The following DISC1 variants were observed in gnomAD, a reference collection of about 807,000 sequenced individuals.
DISC1 encodes the protein DISC1 scaffold protein.
In DISC1, 57 loss-of-function variants were observed where a neutral mutation model predicts 84.5. That is an observed-to-expected ratio of 0.67 (90% CI 0.55 to 0.84). DISC1 has a LOEUF of 0.84. Ranked by LOEUF, DISC1 falls within the 40% of genes least tolerant of loss-of-function variation. The pLI is 0.00. For synonymous variants in DISC1, 411 were observed against 415.2 expected (o/e 0.99, Z 0.12); for missense variants, 1,000 against 1,057.8 (o/e 0.95, Z 0.76).
intron 9 of DISC1, among the ~76,000 whole-genome samples, chr1:231,949,372 G>T (rs2126154022): frequency 6.6e-6 from 1 of 152,312 alleles, no homozygotes; most frequent in African/African-American, 2.4e-5. Context: ...CCGGTGCCTG[G>T]ATGTGGACAG....
chr1:232,025,671 A>C (rs1043770572), intron 11 of DISC1, among the ~76,000 whole-genome samples: 1 of 146,518 alleles, frequency 6.8e-6, no homozygotes. Flanking sequence ...ATCTCGGCTC[A>C]CTGCAAGCTC....
At chr1:231,756,416 T>C (rs2075119729) in intron 4 of DISC1, among the ~76,000 whole-genome samples, 1 of 152,166 alleles carries the variant, frequency 6.6e-6, no homozygotes. Context: ...ACTAGAATAG[T>C]GTCTGGCCCA....
At chr1:231,781,236 A>G (rs990895607) in intron 6 of DISC1, among the ~76,000 whole-genome samples, 3 of 150,710 alleles carry the variant, frequency 2.0e-5, no homozygotes, top group Admixed American at 6.6e-5. Context: ...AACATTTACG[A>G]TGATTTTTGA....
chr1:231,636,786 A>T (rs766447427), intron 1 of DISC1, among the ~76,000 whole-genome samples: 2 of 152,124 alleles, frequency 1.3e-5, no homozygotes, highest in Non-Finnish European at 2.9e-5. Context: ...TTAAAATTTT[A>T]TTCTGCTTTT....
intron 3 of DISC1, among the ~76,000 whole-genome samples, chr1:231,716,184 G>T (rs1170388970): frequency 2.0e-5 from 3 of 152,038 alleles, no homozygotes; most frequent in Non-Finnish European, 4.4e-5. Context: ...GTAAAGTGTG[G>T]ATGCTTCTGA....
intron 11 of DISC1, among the ~76,000 whole-genome samples, chr1:232,011,218 AT>A (rs1181455893): frequency 1.3e-5 from 2 of 152,168 alleles, no homozygotes; most frequent in African/African-American, 4.8e-5. Flanking sequence ...ACAGAGCTAT[AT>A]TTGTTGAAAA....
At chr1:231,884,303 T>C (rs916359349) in intron 9 of DISC1, among the ~76,000 whole-genome samples, 2 of 152,218 alleles carry the variant, frequency 1.3e-5, no homozygotes, top group African/African-American at 4.8e-5. Flanking sequence ...AAAATCCATG[T>C]GTACTCAATG....
chr1:231,916,977 T>G (rs2089681884), intron 9 of DISC1, among the ~76,000 whole-genome samples: 1 of 152,226 alleles, frequency 6.6e-6, no homozygotes. Context: ...TTACTTTTTA[T>G]GTGGATTCCA....
chr1:231,845,627 T>C (rs551201410), intron 9 of DISC1, among the ~76,000 whole-genome samples: 1 of 150,766 alleles, frequency 6.6e-6, no homozygotes, highest in South Asian at 2.1e-4. Flanking sequence ...AGGCTGGGGG[T>C]TTCCAGGCAG....
chr1:231,807,544 G>A (rs1248265544), intron 8 of DISC1, among the ~76,000 whole-genome samples: 6 of 152,176 alleles, frequency 3.9e-5, no homozygotes, highest in Non-Finnish European at 1.5e-5. Flanking sequence ...CCTAGAATCT[G>A]TTGTTTTCAT....
intron 8 of DISC1, among the ~76,000 whole-genome samples, chr1:231,815,417 C>A (rs1455358747): frequency 6.6e-6 from 1 of 152,112 alleles, no homozygotes; most frequent in African/African-American, 2.4e-5. Context: ...AATCATGTGG[C>A]ACTACTCTTT....
chr1:231,776,245 A>G (rs2076956594), intron 6 of DISC1, among the ~76,000 whole-genome samples: 1 of 152,176 alleles, frequency 6.6e-6, no homozygotes, highest in South Asian at 2.1e-4. Flanking sequence ...AGGGCTGCCT[A>G]GGATGCTTTC....
At chr1:231,803,392 G>A (rs981585765) in intron 8 of DISC1, among the ~76,000 whole-genome samples, 13 of 152,144 alleles carry the variant, frequency 8.5e-5, no homozygotes, top group Middle Eastern at 3.2e-3. Context: ...ATCTCTCACA[G>A]TCTCTGAGAG....
intron 10 of DISC1, among the ~76,000 whole-genome samples, chr1:232,005,947 A>G (rs2102987280): frequency 1.3e-5 from 2 of 152,302 alleles, no homozygotes; most frequent in Middle Eastern, 6.8e-3. Context: ...GTTTTCCAAA[A>G]AAAAGTCAAA....
chr1:231,921,565 A>G (rs1363400014), intron 9 of DISC1, among the ~76,000 whole-genome samples: 4 of 152,158 alleles, frequency 2.6e-5, no homozygotes, highest in South Asian at 2.1e-4. Flanking sequence ...ATGTGAAATG[A>G]TTGGATTCTT....
At chr1:231,979,849 C>T (rs1448419687) in intron 10 of DISC1, among the ~76,000 whole-genome samples, 1 of 152,006 alleles carries the variant, frequency 6.6e-6, no homozygotes, top group Non-Finnish European at 1.5e-5. Flanking sequence ...ATAAATTCTA[C>T]TAGAGATGTA....
chr1:231,716,725 C>T (rs2068780823), intron 3 of DISC1, among the ~76,000 whole-genome samples: 1 of 152,144 alleles, frequency 6.6e-6, no homozygotes, highest in African/African-American at 2.4e-5. Flanking sequence ...GGCCTTCACC[C>T]TCATGGGCAG....
At chr1:231,931,064 C>T (rs967471250) in intron 9 of DISC1, among the ~76,000 whole-genome samples, 2 of 152,106 alleles carry the variant, frequency 1.3e-5, no homozygotes, top group African/African-American at 4.8e-5. Context: ...TGTTTGTTAC[C>T]AAACTAGACA....
intron 9 of DISC1, among the ~76,000 whole-genome samples, chr1:231,891,605 C>T (rs1163145995): frequency 6.6e-6 from 1 of 152,052 alleles, no homozygotes; most frequent in Non-Finnish European, 1.5e-5. Context: ...GGGGCTGCCC[C>T]TAGTTGTTTG....
Sources: gnomAD v4.1 joint callset for allele counts (sites outside exome capture counted in the v4.1 genomes callset) on GRCh38, gnomAD v4.1.1 for gene constraint, MANE v1.5 for transcripts, NCBI Gene and HGNC (gene_info 2026-07-23, HGNC 2026-07-21) for gene names.